Variants in LMBRD1 observed in about 807,000 individuals in gnomAD.
LMBRD1 encodes the protein LMBR1 domain containing 1.
Under a neutral mutation model 74.8 loss-of-function variants are expected in LMBRD1, and 64 were observed. That is an observed-to-expected ratio of 0.86 (90% CI 0.70 to 1.05). LMBRD1 has a LOEUF of 1.05. Among genes scored for constraint, LMBRD1 ranks in the 50% least tolerant of loss-of-function variants. The pLI is 0.00. For synonymous variants in LMBRD1, 204 were observed against 216.3 expected (o/e 0.94, Z 0.50); for missense variants, 652 against 645.9 (o/e 1.01, Z -0.10).
intron 3 of LMBRD1, among the ~76,000 whole-genome samples, chr6:69,770,328 A>G (rs963290851): frequency 6.6e-6 from 1 of 152,170 alleles, no homozygotes; most frequent in Non-Finnish European, 1.5e-5. Flanking sequence ...AGGGAAACAT[A>G]ACAGCCCTAG....
intron 1 of LMBRD1, among the ~76,000 whole-genome samples, chr6:69,795,004 C>CA (rs969229045): frequency 1.3e-5 from 2 of 152,132 alleles, no homozygotes; most frequent in Non-Finnish European, 2.9e-5. Context: ...GGTGTAGTGT[C>CA]AAAAAACATC....
chr6:69,767,225 C>T (rs1195777443), intron 3 of LMBRD1, among the ~76,000 whole-genome samples: 1 of 151,072 alleles, frequency 6.6e-6, no homozygotes, highest in Non-Finnish European at 1.5e-5. Context: ...TCTGCTCTAA[C>T]CTTTATTTTT....
intron 6 of LMBRD1, among the ~76,000 whole-genome samples, chr6:69,738,802 G>C (rs1329895915): frequency 6.6e-6 from 1 of 151,916 alleles, no homozygotes; most frequent in Non-Finnish European, 1.5e-5. Flanking sequence ...GGTCCTATTA[G>C]GCCTGTATTG....
chr6:69,780,728 G>A lies in LMBRD1; in HGVS notation c.247-174C>T, dbSNP rs899613385. Reference sequence around the variant, plus strand: ...AATAGACAAATTTCAGTATGTAAATGCTGAGATAAGACAACACAGTTCTGG... The same window carrying A: ...AATAGACAAATTTCAGTATGTAAATACTGAGATAAGACAACACAGTTCTGG... On this transcript the variant is annotated intron_variant, in intron 2 of 15. Coordinates refer to ENST00000649934, the MANE Select transcript of LMBRD1 (RefSeq NM_018368.4). Among the ~76,000 whole-genome samples the A allele has an allele frequency of 4.6e-5, 7 of 152,290 alleles. No individual in the cohort carries two copies. The Middle Eastern group carries it at 0.014, about 296-fold the overall frequency.
At chr6:69,754,526 A>C (rs189412736) in intron 3 of LMBRD1, among the ~76,000 whole-genome samples, 2 of 152,332 alleles carry the variant, frequency 1.3e-5, no homozygotes, top group East Asian at 3.9e-4. Context: ...CAATCACAAA[A>C]TGTCTGTCAA....
At chr6:69,679,162 A>AG (rs369728542) in intron 14 of LMBRD1, among the ~76,000 whole-genome samples, 1,983 of 152,128 alleles carry the variant, frequency 0.013, 42 homozygotes, top group African/African-American at 0.046. Context: ...AGCCCCCAAA[A>AG]GCTCCCTTCA....
At chr6:69,703,997 T>A (rs1404373512) in intron 9 of LMBRD1, among the ~76,000 whole-genome samples, 1 of 152,036 alleles carries the variant, frequency 6.6e-6, no homozygotes, top group Non-Finnish European at 1.5e-5. Context: ...ATGATTATAT[T>A]TAGATTATGC....
intron 3 of LMBRD1, among the ~76,000 whole-genome samples, chr6:69,758,189 T>A (rs1765307047): frequency 6.6e-6 from 1 of 152,184 alleles, no homozygotes; most frequent in South Asian, 2.1e-4. Flanking sequence ...TGTTAAAAAT[T>A]TTTTAAACAT....
chr6:69,754,686 T>C (rs1765232682), intron 3 of LMBRD1, among the ~76,000 whole-genome samples: 1 of 152,208 alleles, frequency 6.6e-6, no homozygotes, highest in African/African-American at 2.4e-5. Flanking sequence ...ACATTTCTAT[T>C]GCAAATCTAA....
At chr6:69,758,576 G>A (rs947420788) in intron 3 of LMBRD1, among the ~76,000 whole-genome samples, 8 of 152,088 alleles carry the variant, frequency 5.3e-5, no homozygotes, top group African/African-American at 1.9e-4. Context: ...GAGTAGAGAA[G>A]GAATGAACTT....
At chr6:69,721,786 G>C (rs979514797) in intron 7 of LMBRD1, among the ~76,000 whole-genome samples, 2 of 152,196 alleles carry the variant, frequency 1.3e-5, no homozygotes, top group Non-Finnish European at 2.9e-5. Flanking sequence ...TAGACTCTTA[G>C]AGGACAGCAT....
At chr6:69,758,775 T>C (rs2149881243) in intron 3 of LMBRD1, among the ~76,000 whole-genome samples, 1 of 152,298 alleles carries the variant, frequency 6.6e-6, no homozygotes, top group African/African-American at 2.4e-5. Context: ...TATTTATTCC[T>C]GAGCTATTCC....
intron 7 of LMBRD1, among the ~76,000 whole-genome samples, chr6:69,721,234 G>T (rs552024436): frequency 4.6e-5 from 7 of 152,178 alleles, no homozygotes; most frequent in Non-Finnish European, 8.8e-5. Flanking sequence ...GACTAGGGTG[G>T]CATGTGACCC....
At chr6:69,791,760 G>T (rs979406650) in intron 1 of LMBRD1, among the ~76,000 whole-genome samples, 3 of 152,148 alleles carry the variant, frequency 2.0e-5, no homozygotes, top group Non-Finnish European at 2.9e-5. Flanking sequence ...TTGTCCCTTT[G>T]TAGTTAACTC....
chr6:69,772,875 C>T (rs1453211097), intron 3 of LMBRD1, among the ~76,000 whole-genome samples: 1 of 152,140 alleles, frequency 6.6e-6, no homozygotes, highest in East Asian at 1.9e-4. Context: ...TATATCATTG[C>T]ACTAACAGAG....
At chr6:69,767,057 T>C (rs953979442) in intron 3 of LMBRD1, among the ~76,000 whole-genome samples, 5 of 151,780 alleles carry the variant, frequency 3.3e-5, no homozygotes, top group African/African-American at 1.2e-4. Context: ...ATGCCACTTC[T>C]TTCATTCCTT....
At chr6:69,697,011 A>G (rs1157828128) in intron 14 of LMBRD1, among the ~76,000 whole-genome samples, 1 of 151,850 alleles carries the variant, frequency 6.6e-6, no homozygotes, top group Non-Finnish European at 1.5e-5. Flanking sequence ...AAAATCACCT[A>G]AACAACTCAC....
At chr6:69,736,629 T>C (rs73481746) in intron 7 of LMBRD1, among the ~76,000 whole-genome samples, 1 of 152,218 alleles carries the variant, frequency 6.6e-6, no homozygotes, top group Non-Finnish European at 1.5e-5. Context: ...GTTTCATTGA[T>C]TGCTATATCC....
intron 3 of LMBRD1, among the ~76,000 whole-genome samples, chr6:69,771,654 T>G (rs1437353475): frequency 6.6e-6 from 1 of 151,984 alleles, no homozygotes; most frequent in Non-Finnish European, 1.5e-5. Flanking sequence ...GGGAAGAATG[T>G]CAGATCACAT....
Sources: allele counts gnomAD v4.1 joint callset (sites outside exome capture counted in the v4.1 genomes callset), GRCh38; gene constraint gnomAD v4.1.1; transcripts MANE v1.5; gene names NCBI Gene and HGNC (gene_info 2026-07-23, HGNC 2026-07-21).